Variants in MTCL2 observed in about 807,000 individuals in gnomAD.
MTCL2 encodes the protein microtubule cross-linking factor 2.
At chr20:36,795,386 G>A in the MTCL2 span, among the ~76,000 whole-genome samples, 8 of 152,236 alleles carry the variant, frequency 5.3e-5, no homozygotes, top group Admixed American at 3.9e-4. Flanking sequence ...CACTGCACCT[G>A]GCCTCTCTTT....
At chr20:36,786,961 G>A in the MTCL2 span, among the ~76,000 whole-genome samples, 8 of 152,226 alleles carry the variant, frequency 5.3e-5, no homozygotes, top group South Asian at 2.1e-4. Flanking sequence ...ACACTTTTCT[G>A]TCACTAGGTA....
chr20:36,793,951 A>G, the MTCL2 span: 18 of 1,551,434 alleles, frequency 1.2e-5, no homozygotes, highest in Non-Finnish European at 1.5e-5. This position sits in a 1 kb window ranked among gnomAD's most constrained non-coding sequence, Gnocchi z 6.8. Context: ...GTGTGCCCAC[A>G]CTGGCCAGGC....
the MTCL2 span, chr20:36,808,807 C>G: frequency 6.9e-7 from 1 of 1,439,130 alleles, no homozygotes; most frequent in South Asian, 1.3e-5. Flanking sequence ...CCTTTCTGGG[C>G]CCCTGGACAG....
chr20:36,808,706 T>C, the MTCL2 span: 3 of 1,600,876 alleles, frequency 1.9e-6, no homozygotes, highest in East Asian at 2.3e-5. Context: ...CAGCTCAAAC[T>C]CCCGCCTCAG....
At chr20:36,802,943 C>A in the MTCL2 span, 5 of 1,577,928 alleles carry the variant, frequency 3.2e-6, no homozygotes, top group Non-Finnish European at 3.4e-6. Context: ...GCAGCTTTTC[C>A]TGGCTCCAGT....
chr20:36,799,659 G>A, the MTCL2 span, among the ~76,000 whole-genome samples: 2 of 152,038 alleles, frequency 1.3e-5, no homozygotes, highest in Admixed American at 1.3e-4. Flanking sequence ...CTCCAGCCTA[G>A]GTGACAGAGC....
At chr20:36,831,689 A>T in the MTCL2 span, among the ~76,000 whole-genome samples, 1 of 152,168 alleles carries the variant, frequency 6.6e-6, no homozygotes, top group African/African-American at 2.4e-5. Flanking sequence ...GAGCGGGCCC[A>T]TGAGGCTCCT....
chr20:36,804,566 C>A, the MTCL2 span, among the ~76,000 whole-genome samples: 5 of 152,230 alleles, frequency 3.3e-5, no homozygotes, highest in African/African-American at 4.8e-5. Context: ...GTTTCTGATA[C>A]CCTTGCTGTG....
chr20:36,854,089 G>T, the MTCL2 span, among the ~76,000 whole-genome samples: 1 of 152,126 alleles, frequency 6.6e-6, no homozygotes, highest in Non-Finnish European at 1.5e-5. Context: ...TGAAGCTCCA[G>T]GACACCCCAG....
the MTCL2 span, among the ~76,000 whole-genome samples, chr20:36,841,874 G>GGGGGGTGTGTGTGTGTGTGT: frequency 7.2e-5 from 8 of 110,768 alleles, no homozygotes; most frequent in African/African-American, 2.6e-4. Context: ...TGGGGGGTGG[G>GGGGGGTGTGTGTGTGTGTGT]GTGTGTGTGT....
At chr20:36,839,158 G>A in the MTCL2 span, 1 of 1,515,128 alleles carries the variant, frequency 6.6e-7, no homozygotes, top group Non-Finnish European at 8.9e-7. The surrounding 1 kb of genome is among the most constrained non-coding windows in gnomAD (Gnocchi z 5.1). Context: ...GGCCAACCTG[G>A]GCCCCACTTA....
chr20:36,794,340 T>C, the MTCL2 span: 5 of 1,589,310 alleles, frequency 3.1e-6, no homozygotes, highest in Non-Finnish European at 3.4e-6. This position sits in a 1 kb window ranked among gnomAD's most constrained non-coding sequence, Gnocchi z 5.4. Flanking sequence ...CGGATGCCCG[T>C]CTTGTCAGGA....
chr20:36,825,190 G>T, the MTCL2 span, among the ~76,000 whole-genome samples: 1 of 152,080 alleles, frequency 6.6e-6, no homozygotes. Flanking sequence ...TGATCCACCC[G>T]CCTTGGCCTC....
chr20:36,820,178 C>T, the MTCL2 span, among the ~76,000 whole-genome samples: 5 of 152,266 alleles, frequency 3.3e-5, no homozygotes, highest in Non-Finnish European at 2.9e-5. Context: ...CCTGGGTGAA[C>T]CCTTTCCTCT....
At chr20:36,860,780 C>A in the MTCL2 span, among the ~76,000 whole-genome samples, 1 of 152,172 alleles carries the variant, frequency 6.6e-6, no homozygotes, top group Non-Finnish European at 1.5e-5. Context: ...AAAGATCACG[C>A]CGTCAGGAAG....
chr20:36,780,609 G>A, the MTCL2 span: 4 of 152,182 alleles, frequency 2.6e-5, no homozygotes, highest in Admixed American at 1.3e-4. Flanking sequence ...AGTGTGATCA[G>A]ATCACTTTCC....
chr20:36,837,246 C>T, the MTCL2 span, among the ~76,000 whole-genome samples: 1 of 152,216 alleles, frequency 6.6e-6, no homozygotes, highest in Admixed American at 6.5e-5. Flanking sequence ...GTTCTGAGGG[C>T]AGAGGGCCGG....
chr20:36,808,924 A>G, the MTCL2 span, among the ~76,000 whole-genome samples: 1 of 152,164 alleles, frequency 6.6e-6, no homozygotes, highest in South Asian at 2.1e-4. Flanking sequence ...CTCCTGCAAA[A>G]ACAGTGACAC....
the MTCL2 span, among the ~76,000 whole-genome samples, chr20:36,860,099 G>A: frequency 6.6e-6 from 1 of 152,174 alleles, no homozygotes; most frequent in African/African-American, 2.4e-5. Context: ...TAACCCAAAT[G>A]TACACAGTGA....
Sources: gnomAD v4.1 joint callset for allele counts (sites outside exome capture counted in the v4.1 genomes callset) on GRCh38, gnomAD v4.1.1 for gene constraint, Gnocchi (gnomAD v3.1) non-coding constraint, MANE v1.5 for transcripts, NCBI Gene and HGNC (gene_info 2026-07-23, HGNC 2026-07-21) for gene names.